The following NSA2 variants were observed in gnomAD, a reference collection of about 807,000 sequenced individuals.
The protein encoded by NSA2 is ribosome biogenesis protein NSA2 homolog.
In NSA2, 18 loss-of-function variants were observed where a neutral mutation model predicts 34.8. The observed-to-expected ratio is 0.52, with a 90% confidence interval of 0.36 to 0.77. The LOEUF (loss-of-function observed/expected upper bound fraction) is 0.77. Among genes scored for constraint, NSA2 ranks in the 30% least tolerant of loss-of-function variants. NSA2 has a pLI of 0.00. For synonymous variants in NSA2, 79 were observed against 100.2 expected (o/e 0.79, Z 1.26); for missense variants, 188 against 314.7 (o/e 0.60, Z 3.05).
rs1294187792 is a variant in NSA2, at chr5:74,777,115, G to T, written c.*444G>T. 6.6e-6 allele frequency: 1 copy of T among 152,292 alleles called. No homozygotes were observed. Among genetic ancestry groups the T allele is most frequent in the African/African-American group, 2.4e-5 (1 of 40,982 alleles). 9.4% of individuals were successfully genotyped at this position (152,292 alleles called of 1,614,324 possible). ...AAGTTTATAGTGTTTGTTTACACTA[G>T]AAGTATGTGAGAAGACACTAAAAGT... is the stretch of plus-strand genomic sequence containing the variant. On this transcript the variant is annotated 3_prime_UTR_variant, in exon 6 of 6. Transcript: ENST00000610426.
intron 3 of NSA2, among the ~76,000 whole-genome samples, chr5:74,770,200 G>A (rs1744870257): frequency 6.6e-6 from 1 of 152,014 alleles, no homozygotes; most frequent in Non-Finnish European, 1.5e-5. Flanking sequence ...GTGTGGTGGT[G>A]TGTGTCTGTA....
chr5:74,778,547 A>T lies in NSA2; in HGVS notation c.*1876A>T, dbSNP rs1197548878. On this transcript the variant is annotated 3_prime_UTR_variant, in exon 6 of 6. Coordinates refer to ENST00000610426, the MANE Select transcript of NSA2 (RefSeq NM_014886.6). The stretch of plus-strand genomic sequence containing the variant: ...CTGAATGGAAATACCATGAATATAG[A>T]CACATTTTAAGTAGAAGACTGACGT... 8.5e-5 allele frequency: 13 copies of T among 152,152 alleles called. No individual in the cohort carries two copies. In the East Asian group the frequency reaches 2.3e-3, roughly 27 times the overall value. The allele number at this position is 152,152 out of a possible 1,614,324, so 9.4% of individuals were successfully genotyped here. A position where few individuals can be genotyped will look rare whatever the true frequency, so the allele number is the denominator to read the frequency against.
In NSA2 at chr5:74,767,343, G is replaced by T; in HGVS notation, c.-18G>T. The T allele has an allele frequency of 6.2e-7, 1 of 1,613,302 alleles. No individual in the cohort carries two copies. Among genetic ancestry groups the T allele is most frequent in the Non-Finnish European group, 8.5e-7 (1 of 1,179,610 alleles). On this transcript the variant is annotated 5_prime_UTR_variant, in exon 1 of 6. Transcript: ENST00000610426. ...TCGCACTCCAGCGGCTGCTCCTGGC[G>T]GCTCTGCGGCCGTCACCATGGTAAG...
Position 74,767,252 on chromosome 5 carries a change from C to T in NSA2, c.-109C>T, listed in dbSNP as rs868565638. On this transcript the variant is annotated 5_prime_UTR_variant, in exon 1 of 6. Transcript: ENST00000610426. Reference sequence around the variant, plus strand: ...CACTCGGCCGTTTTAAAGGGTGACTCTTTCCTGTCCCGGCCTGCGTGGTGT... The same window carrying T: ...CACTCGGCCGTTTTAAAGGGTGACTTTTTCCTGTCCCGGCCTGCGTGGTGT... The T allele has an allele frequency of 2.2e-6, 3 of 1,389,644 alleles. No homozygotes were observed. The highest frequency in any genetic ancestry group is 1.4e-5 in the African/African-American group (1 of 69,086). The allele number at this position is 1,389,644 out of a possible 1,614,324, so 86.1% of individuals were successfully genotyped here. A position where few individuals can be genotyped will look rare whatever the true frequency, so the allele number is the denominator to read the frequency against.
At position 74,779,527 on chromosome 5, in the gene NSA2, AAC is replaced by A. The variant is rs1323715959; in HGVS notation, c.*2858_*2859del. On this transcript the variant is annotated 3_prime_UTR_variant, in exon 6 of 6. Transcript: ENST00000610426. ...AAAGATTAAGAATTTACTGAATCTT[AAC>A]AGAGTATTTCCCTTTGTGATATTGA... 1 of 152,142 alleles carries A rather than the reference AAC, an allele frequency of 6.6e-6. No homozygotes were observed. Among genetic ancestry groups the A allele is most frequent in the Non-Finnish European group, 1.5e-5 (1 of 68,018 alleles). The allele number at this position is 152,142 out of a possible 1,614,324, so 9.4% of individuals were successfully genotyped here.
Position 74,778,320 on chromosome 5 carries a change from G to T in NSA2, c.*1649G>T, listed in dbSNP as rs1033565857. 6.6e-6 allele frequency: 1 copy of T among 152,028 alleles called. No individual in the cohort carries two copies. The highest frequency in any genetic ancestry group is 1.5e-5 in the Non-Finnish European group (1 of 67,894). The allele number at this position is 152,028 out of a possible 1,614,324, so 9.4% of individuals were successfully genotyped here. A position where few individuals can be genotyped will look rare whatever the true frequency, so the allele number is the denominator to read the frequency against. On this transcript the variant is annotated 3_prime_UTR_variant, in exon 6 of 6. Coordinates refer to ENST00000610426, the MANE Select transcript of NSA2 (RefSeq NM_014886.6). ...TGTACATTAAGATCTGTTTCAGTTT[G>T]CTGGTGTGACCAAACCTTAGAAGGT...
At position 74,776,578 on chromosome 5, in the gene NSA2, CCCTTTTT is replaced by C. The variant is rs1353781473; in HGVS notation, c.716-25_716-19del. The C allele has an allele frequency of 7.9e-7, 1 of 1,270,764 alleles. No individual in the cohort carries two copies. The highest frequency in any genetic ancestry group is 1.5e-5 in the African/African-American group (1 of 68,072). The allele number at this position is 1,270,764 out of a possible 1,614,324, so 78.7% of individuals were successfully genotyped here. On this transcript the variant is annotated intron_variant, in intron 5 of 5. Transcript: ENST00000610426. ...TTATTAGCTAACAACCCTCCCTTTT[CCCTTTTT>C]TGGTTTTGTTTTCCTTAGGAAAATA...
chr5:74,772,716 A>G (rs1321444846), intron 4 of NSA2, among the ~76,000 whole-genome samples: 1 of 152,232 alleles, frequency 6.6e-6, no homozygotes, highest in Admixed American at 6.5e-5. Context: ...GGGAGAGAAT[A>G]TACAAGTCAG....
At position 74,777,824 on chromosome 5, in the gene NSA2, T is replaced by TAAGA. The variant is rs1745198950; in HGVS notation, c.*1154_*1157dup. On this transcript the variant is annotated 3_prime_UTR_variant, in exon 6 of 6. Coordinates refer to ENST00000610426, the MANE Select transcript of NSA2 (RefSeq NM_014886.6). The stretch of plus-strand genomic sequence containing the variant: ...AAGAAAACAAACATAGGTACTCCAG[T>TAAGA]AAGACTTGCTACTCTGAATAATGTA... 1 of 152,074 alleles carries TAAGA rather than the reference T, an allele frequency of 6.6e-6. No individual in the cohort carries two copies. Among genetic ancestry groups the TAAGA allele is most frequent in the Non-Finnish European group, 1.5e-5 (1 of 67,934 alleles). The allele number at this position is 152,074 out of a possible 1,614,324, so 9.4% of individuals were successfully genotyped here. A position where few individuals can be genotyped will look rare whatever the true frequency, so the allele number is the denominator to read the frequency against.
intron 4 of NSA2, among the ~76,000 whole-genome samples, chr5:74,773,458 CCCCA>C (rs1745010361): frequency 6.7e-6 from 1 of 148,866 alleles, no homozygotes; most frequent in Non-Finnish European, 1.5e-5. Context: ...CATGGCGAAA[CCCCA>C]TCTCTACCAA....
rs767729492 is a variant in NSA2 at position 74,773,973 on chromosome 5, A to G, written c.628A>G (p.Thr210Ala). The change falls in exon 5 of 6, where the codon ACT becomes GCT. Residue 210 changes from threonine to alanine, a missense_variant. Thr to Ala is a moderately conservative substitution (Grantham distance 58, BLOSUM62 0). Coordinates refer to ENST00000610426, the MANE Select transcript of NSA2 (RefSeq NM_014886.6). ...KKNPSSPLYT[T>A]LGVITKGTVI... ...GAATCCCTCATCCCCACTGTATACAACTTTGGGTGTTATTACCAAAGGTAC... is the reference window on the plus strand; with the variant it reads ...GAATCCCTCATCCCCACTGTATACAGCTTTGGGTGTTATTACCAAAGGTAC... 1.6e-5 allele frequency: 26 copies of G among 1,613,898 alleles called. No homozygotes were observed. In the East Asian group the frequency reaches 2.7e-4, roughly 17 times the overall value.
intron 4 of NSA2, among the ~76,000 whole-genome samples, chr5:74,772,272 C>T (rs991479238): frequency 2.0e-5 from 3 of 151,930 alleles, no homozygotes; most frequent in Non-Finnish European, 4.4e-5. Context: ...CTATAGGTGC[C>T]CGCTACCACG....
Position 74,779,737 on chromosome 5 carries a change from G to C in NSA2, c.*3066G>C, listed in dbSNP as rs1745318500. The C allele has an allele frequency of 6.6e-6, 1 of 151,934 alleles. No homozygotes were observed. Among genetic ancestry groups the C allele is most frequent in the Non-Finnish European group, 1.5e-5 (1 of 68,004 alleles). The allele number at this position is 151,934 out of a possible 1,614,324, so 9.4% of individuals were successfully genotyped here. On this transcript the variant is annotated 3_prime_UTR_variant, in exon 6 of 6. Coordinates refer to ENST00000610426, the MANE Select transcript of NSA2 (RefSeq NM_014886.6). Reference sequence around the variant, plus strand: ...CCTTTGACTAATTAAAGAAAATATAGGGTAATACAATTGTTCAAAATCTAA... The same window carrying C: ...CCTTTGACTAATTAAAGAAAATATACGGTAATACAATTGTTCAAAATCTAA...
chr5:74,771,438 A>T (rs1483088067), intron 4 of NSA2: 1 of 152,180 alleles, frequency 6.6e-6, no homozygotes, highest in East Asian at 1.9e-4. Flanking sequence ...AATATGCCTG[A>T]TATTGTCTAG....
At chr5:74,776,297 C>T (rs1465621439) in intron 5 of NSA2, among the ~76,000 whole-genome samples, 1 of 152,072 alleles carries the variant, frequency 6.6e-6, no homozygotes, top group East Asian at 1.9e-4. Context: ...CTCAGGAGTT[C>T]GAGCCCAGCC....
chr5:74,776,315 C>G (rs1745118483), intron 5 of NSA2, among the ~76,000 whole-genome samples: 1 of 152,154 alleles, frequency 6.6e-6, no homozygotes, highest in South Asian at 2.1e-4. Flanking sequence ...GCCTGGGCAA[C>G]ATGGCAAAAC....
chr5:74,773,280 T>C (rs1302664032), intron 4 of NSA2, among the ~76,000 whole-genome samples: 3 of 151,436 alleles, frequency 2.0e-5, no homozygotes, highest in Non-Finnish European at 2.9e-5. Context: ...AGTCTAAGTG[T>C]AGATGACTAG....
At chr5:74,773,391 G>C (rs1352910003) in intron 4 of NSA2, among the ~76,000 whole-genome samples, 1 of 151,414 alleles carries the variant, frequency 6.6e-6, no homozygotes, top group African/African-American at 2.4e-5. Context: ...CCAGCACTTT[G>C]GGAGGCTGAG....
At chr5:74,769,967 A>G (rs1404046872) in intron 3 of NSA2, among the ~76,000 whole-genome samples, 1 of 152,244 alleles carries the variant, frequency 6.6e-6, no homozygotes, top group African/African-American at 2.4e-5. Context: ...ATACAGAGAC[A>G]TATTAAGAGG....
Sources: allele counts gnomAD v4.1 joint callset (sites outside exome capture counted in the v4.1 genomes callset), GRCh38; gene constraint gnomAD v4.1.1; transcripts MANE v1.5; gene names NCBI Gene and HGNC (gene_info 2026-07-23, HGNC 2026-07-21).